Variants in EEIG2 observed in about 807,000 individuals in gnomAD.
EEIG2 encodes the protein family with sequence similarity 102 member B.
chr1:108,631,709 G>T, the EEIG2 span, among the ~76,000 whole-genome samples: 1 of 152,014 alleles, frequency 6.6e-6, no homozygotes, highest in Admixed American at 6.6e-5. Flanking sequence ...TTATGTGCCA[G>T]GCACAGGTAC....
At chr1:108,628,042 C>T in the EEIG2 span, 1 of 759,972 alleles carries the variant, frequency 1.3e-6, no homozygotes, top group Non-Finnish European at 2.2e-6. Flanking sequence ...AAGGATGTCC[C>T]TCATTTTGTA....
the EEIG2 span, among the ~76,000 whole-genome samples, chr1:108,593,981 T>A: frequency 2.6e-5 from 4 of 151,776 alleles, no homozygotes; most frequent in South Asian, 2.1e-4. Flanking sequence ...AATTTTTATA[T>A]TTTTTTTGTA....
chr1:108,583,143 T>C, the EEIG2 span, among the ~76,000 whole-genome samples: 17 of 152,186 alleles, frequency 1.1e-4, no homozygotes, highest in African/African-American at 3.6e-4. Flanking sequence ...TACATAATTT[T>C]TTATGCTGCC....
At chr1:108,598,097 C>T in the EEIG2 span, among the ~76,000 whole-genome samples, 3 of 152,024 alleles carry the variant, frequency 2.0e-5, no homozygotes, top group East Asian at 1.9e-4. Flanking sequence ...TTTGGGAGAT[C>T]GAGGTGGCCA....
chr1:108,609,530 AAG>A, the EEIG2 span, among the ~76,000 whole-genome samples: 2 of 152,176 alleles, frequency 1.3e-5, no homozygotes, highest in African/African-American at 4.8e-5. Context: ...AATGGAGTAA[AAG>A]AGAAAGTTAT....
the EEIG2 span, among the ~76,000 whole-genome samples, chr1:108,593,683 G>A: frequency 6.6e-6 from 1 of 152,226 alleles, no homozygotes; most frequent in Non-Finnish European, 1.5e-5. Flanking sequence ...ATGATAAACA[G>A]ATGTCAGAGA....
At chr1:108,599,852 C>T in the EEIG2 span, among the ~76,000 whole-genome samples, 1 of 152,100 alleles carries the variant, frequency 6.6e-6, no homozygotes, top group East Asian at 1.9e-4. Context: ...ATTAGCCTGG[C>T]GTGGTGGCAG....
the EEIG2 span, among the ~76,000 whole-genome samples, chr1:108,582,573 G>A: frequency 5.3e-5 from 8 of 152,204 alleles, no homozygotes; most frequent in East Asian, 1.5e-3. Context: ...GTCAGCAAAT[G>A]CTATCATGTG....
chr1:108,597,304 T>C, the EEIG2 span, among the ~76,000 whole-genome samples: 1 of 152,190 alleles, frequency 6.6e-6, no homozygotes, highest in South Asian at 2.1e-4. Context: ...GGTTCTGGCA[T>C]TGTGAGAAGC....
the EEIG2 span, chr1:108,624,696 G>C: frequency 1.2e-6 from 2 of 1,614,032 alleles, no homozygotes; most frequent in East Asian, 4.5e-5. Flanking sequence ...CTGAATCTTT[G>C]CAAGAAGATA....
the EEIG2 span, among the ~76,000 whole-genome samples, chr1:108,598,430 A>G: frequency 5.3e-5 from 8 of 151,034 alleles, no homozygotes; most frequent in East Asian, 1.9e-4. Context: ...TTTTGAGTGT[A>G]CAGGTTAGCA....
At chr1:108,588,377 G>T in the EEIG2 span, among the ~76,000 whole-genome samples, 1 of 152,026 alleles carries the variant, frequency 6.6e-6, no homozygotes, top group Non-Finnish European at 1.5e-5. Flanking sequence ...TTTGTCTTTT[G>T]TCTTTTCGAT....
the EEIG2 span, among the ~76,000 whole-genome samples, chr1:108,562,090 T>G: frequency 6.6e-6 from 1 of 152,226 alleles, no homozygotes; most frequent in East Asian, 1.9e-4. Flanking sequence ...TTAATTCTCA[T>G]AGCAAGTCTA....
At chr1:108,603,024 G>C in the EEIG2 span, among the ~76,000 whole-genome samples, 4 of 152,094 alleles carry the variant, frequency 2.6e-5, no homozygotes, top group Non-Finnish European at 5.9e-5. Context: ...TAATACTTCT[G>C]ATATTAATGG....
the EEIG2 span, among the ~76,000 whole-genome samples, chr1:108,594,240 T>A: frequency 2.4e-4 from 37 of 152,236 alleles, no homozygotes; most frequent in South Asian, 7.7e-3. Flanking sequence ...AGCAAGAAAC[T>A]GCAAAGAAAT....
At chr1:108,579,652 A>G in the EEIG2 span, among the ~76,000 whole-genome samples, 1 of 151,648 alleles carries the variant, frequency 6.6e-6, no homozygotes. Context: ...TTTCAGCACC[A>G]CACCACACTG....
the EEIG2 span, chr1:108,560,338 C>T: frequency 7.7e-6 from 8 of 1,043,366 alleles, no homozygotes; most frequent in South Asian, 1.8e-4. Context: ...CTCGCGGCCC[C>T]GGCCATGGGG....
chr1:108,628,851 G>A, the EEIG2 span: 10 of 1,571,584 alleles, frequency 6.4e-6, no homozygotes, highest in Non-Finnish European at 7.8e-6. Context: ...CCAGGTTTTT[G>A]TAATCTGTGT....
At chr1:108,561,177 A>C in the EEIG2 span, among the ~76,000 whole-genome samples, 9 of 152,356 alleles carry the variant, frequency 5.9e-5, no homozygotes, top group Non-Finnish European at 8.8e-5. Flanking sequence ...GCTTAGAGCC[A>C]GATGGGGAGC....
Sources: gnomAD v4.1 joint callset for allele counts (sites outside exome capture counted in the v4.1 genomes callset) on GRCh38, gnomAD v4.1.1 for gene constraint, MANE v1.5 for transcripts, NCBI Gene and HGNC (gene_info 2026-07-23, HGNC 2026-07-21) for gene names.